The following RNF19B variants were observed in gnomAD, a reference collection of about 807,000 sequenced individuals.
RNF19B encodes ring finger protein 19B, also known as E3 ubiquitin-protein ligase RNF19B.
In RNF19B, 23 loss-of-function variants were observed where a neutral mutation model predicts 65.5. The observed-to-expected ratio is 0.35, with a 90% CI of 0.25 to 0.50. The LOEUF (loss-of-function observed/expected upper bound fraction) is 0.50, where lower values mean the gene tolerates loss of function less well. Among genes scored for constraint, RNF19B ranks in the 20% least tolerant of loss-of-function variants. The pLI is 0.98. For missense variants in RNF19B, 794 were observed against 980.0 expected (o/e 0.81, Z 2.53); for synonymous variants, 372 against 379.6 (o/e 0.98, Z 0.23).
At chr1:32,932,913 T>G (rs931615440), downstream of RNF19B, among the ~76,000 whole-genome samples, 1 of 103,488 alleles carries the variant, frequency 9.7e-6, no homozygotes, top group Non-Finnish European at 2.4e-5. Flanking sequence ...TTATTCCTCA[T>G]GTCTGGTATG....
rs1434114691 is a variant in RNF19B, at chr1:32,964,018, C to T, written c.635+33G>A. 11 of 1,409,824 alleles carry T rather than the reference C, an allele frequency of 7.8e-6. No homozygotes were observed. The highest frequency in any genetic ancestry group is 1.0e-5 in the Non-Finnish European group (11 of 1,087,620). The allele number at this position is 1,409,824 out of a possible 1,614,324, so 87.3% of individuals were successfully genotyped here. On this transcript the variant is annotated intron_variant, in intron 1 of 8. Coordinates refer to ENST00000235150, the MANE Select transcript of RNF19B (RefSeq NM_001300826.2). The surrounding 1 kb of genome is among the most constrained non-coding windows in gnomAD (Gnocchi z 6.5). ...CCCAGCCACGCCCCTCGGCTGCAGCCCGCCGCCACCCGCGCCACGCCCCCG... is the reference window on the plus strand; with the variant it reads ...CCCAGCCACGCCCCTCGGCTGCAGCTCGCCGCCACCCGCGCCACGCCCCCG...
intron 7 of RNF19B, among the ~76,000 whole-genome samples, chr1:32,942,047 A>C (rs1322841419): frequency 1.3e-5 from 2 of 152,312 alleles, no homozygotes; most frequent in Non-Finnish European, 2.9e-5. Flanking sequence ...CAGTGAGCCG[A>C]GATCACGCCA....
rs755697335 is a variant in RNF19B at position 32,948,283 on chromosome 1, C to A, written c.922G>T (p.Val308Leu). 1 of 1,614,128 alleles carries A rather than the reference C, an allele frequency of 6.2e-7. No individual in the cohort carries two copies. Among genetic ancestry groups the A allele is most frequent in the African/African-American group, 1.3e-5 (1 of 75,052 alleles). ...DGSCNHMTCA[V>L]CGCEFCWLCM... is the part of the protein sequence containing the mutation. ...AGCCAACAGAATTCACAGCCACACA[C>A]TGCACAGGTCATGTGATTACAGCTT... The change falls in exon 3 of 9, where the codon GTG (valine) becomes TTG (leucine). Residue 308 changes from valine to leucine, a missense_variant. Coordinates refer to ENST00000235150, the MANE Select transcript of RNF19B (RefSeq NM_001300826.2).
In RNF19B at chr1:32,960,406, T is replaced by TG. The variant is rs1228383686; in HGVS notation, c.635+3644dup. Among the ~76,000 whole-genome samples the TG allele has an allele frequency of 2.1e-4, 32 of 152,278 alleles. No homozygotes were observed. The South Asian group carries it at 3.5e-3, about 17-fold the overall frequency. ...ATGGGAATAGGAGGTAACTGGGACT[T>TG]GGACTTCTCTTCTAGTGTTTATCAA... On this transcript the variant is annotated intron_variant, in intron 1 of 8. Coordinates refer to ENST00000235150, the MANE Select transcript of RNF19B (RefSeq NM_001300826.2).
rs1308476766 is a variant in RNF19B at position 32,939,077 on chromosome 1, CCAGA to C, written c.1611-553_1611-550del. On this transcript the variant is annotated intron_variant, in intron 7 of 8. Transcript: ENST00000235150. ...TCTCTCTAGAAATTTCCTTTCTCTACCAGACAAACTTATACTCAGTCCTTAACAA... is the reference window on the plus strand; with the variant it reads ...TCTCTCTAGAAATTTCCTTTCTCTACCAAACTTATACTCAGTCCTTAACAA... Among the ~76,000 whole-genome samples, 13 of 152,326 alleles carry C rather than the reference CCAGA, an allele frequency of 8.5e-5. No individual in the cohort carries two copies. The South Asian group carries it at 1.2e-3, about 15-fold the overall frequency.
At chr1:32,952,452 A>AAAC (rs1315806994) in intron 1 of RNF19B, among the ~76,000 whole-genome samples, 1 of 149,336 alleles carries the variant, frequency 6.7e-6, no homozygotes, top group Non-Finnish European at 1.5e-5. Context: ...AAAAAAAAAA[A>AAAC]AAAAAAACAG....
intron 7 of RNF19B, 140 bp downstream of exon 7, chr1:32,942,112 A>AAAAAC (rs948334265): frequency 1.4e-5 from 11 of 782,100 alleles, no homozygotes; most frequent in South Asian, 3.8e-5. Context: ...ATAAAAAAGT[A>AAAAAC]AAAACAAAAC....
rs1224038378 is a variant in RNF19B, at chr1:32,964,677, G to C, written c.9C>G (p.Ser3=). 1 of 1,466,654 alleles carries C rather than the reference G, an allele frequency of 6.8e-7. No homozygotes were observed. The highest frequency in any genetic ancestry group is 9.0e-7 in the Non-Finnish European group (1 of 1,113,156). 90.9% of individuals were successfully genotyped at this position (1,466,654 alleles called of 1,614,324 possible). A position where few individuals can be genotyped will look rare whatever the true frequency, so the allele number is the denominator to read the frequency against. MG[S]EKDSESPRST... ...AGCGCGGCGACTCGGAGTCCTTCTC[G>C]GAGCCCATGGCCGGCAGAGGCCGAG... The change falls in exon 1 of 9, where the codon TCC becomes TCG. Residue 3 remains serine, a synonymous_variant. Transcript: ENST00000235150. This position sits in a 1 kb window ranked among gnomAD's most constrained non-coding sequence, Gnocchi z 6.5.
At chr1:32,942,830 GAAGCTTCTAGT>G (rs1314748695) in intron 6 of RNF19B, among the ~76,000 whole-genome samples, 3 of 152,120 alleles carry the variant, frequency 2.0e-5, no homozygotes, top group Non-Finnish European at 4.4e-5. Context: ...ATTTTAATAG[GAAGCTTCTAGT>G]AGAAAGCTAG....
intron 3 of RNF19B, among the ~76,000 whole-genome samples, chr1:32,947,269 T>C (rs1017507423): frequency 6.6e-6 from 1 of 152,236 alleles, no homozygotes; most frequent in African/African-American, 2.4e-5. Context: ...ATTTACACAA[T>C]GAATGTTTGT....
chr1:32,930,730 A>T, the RNF19B span, among the ~76,000 whole-genome samples: 1 of 152,154 alleles, frequency 6.6e-6, no homozygotes, highest in Non-Finnish European at 1.5e-5. Flanking sequence ...ATTCTACACT[A>T]AGGAATTTTT....
At chr1:32,937,939 A>C (rs1005628290) in intron 8 of RNF19B, among the ~76,000 whole-genome samples, 3 of 151,962 alleles carry the variant, frequency 2.0e-5, no homozygotes, top group African/African-American at 4.8e-5. Flanking sequence ...CAAGTAGAAG[A>C]AGCCAGAATA....
At chr1:32,952,154 T>C (rs1018776084) in intron 1 of RNF19B, among the ~76,000 whole-genome samples, 1 of 151,784 alleles carries the variant, frequency 6.6e-6, no homozygotes, top group African/African-American at 2.4e-5. Context: ...ATGTCGACCA[T>C]TTCTTGTAGT....
intron 7 of RNF19B, among the ~76,000 whole-genome samples, 184 bp from the exon 8 acceptor site, chr1:32,938,712 G>A (rs866720739): frequency 3.3e-5 from 5 of 152,074 alleles, no homozygotes; most frequent in South Asian, 2.1e-4. Context: ...TATTGAAATC[G>A]TCCCCTCCTT....
chr1:32,929,491 G>C, the RNF19B span, among the ~76,000 whole-genome samples: 1 of 152,160 alleles, frequency 6.6e-6, no homozygotes, highest in African/African-American at 2.4e-5. Flanking sequence ...AGGCTTTTTA[G>C]GTCTCAGCAT....
chr1:32,930,025 C>G, the RNF19B span, among the ~76,000 whole-genome samples: 1 of 152,202 alleles, frequency 6.6e-6, no homozygotes, highest in Non-Finnish European at 1.5e-5. Flanking sequence ...AAAGAAATAA[C>G]CTCTTGGCAA....
chr1:32,961,673 TATC>T (rs1356682488), intron 1 of RNF19B, among the ~76,000 whole-genome samples: 1 of 152,116 alleles, frequency 6.6e-6, no homozygotes, highest in Non-Finnish European at 1.5e-5. Context: ...TATATATGAT[TATC>T]ATTCTTCTAA....
intron 1 of RNF19B, among the ~76,000 whole-genome samples, chr1:32,956,590 T>G (rs1168964342): frequency 6.6e-6 from 1 of 152,064 alleles, no homozygotes; most frequent in Admixed American, 6.6e-5. Context: ...AAATAAAAAA[T>G]AATAAAAAAG....
intron 4 of RNF19B, 127 bp from the exon 5 acceptor site, chr1:32,945,755 G>A (rs925336318): frequency 5.7e-6 from 3 of 522,238 alleles, no homozygotes; most frequent in African/African-American, 3.9e-5. Flanking sequence ...ACCCCAAATA[G>A]GCATCTTTAT....
Sources: gnomAD v4.1 joint callset for allele counts (sites outside exome capture counted in the v4.1 genomes callset) on GRCh38, gnomAD v4.1.1 for gene constraint, Gnocchi (gnomAD v3.1) non-coding constraint, MANE v1.5 for transcripts, NCBI Gene and HGNC (gene_info 2026-07-23, HGNC 2026-07-21) for gene names.